The following RNF217 variants were observed in gnomAD, a reference collection of about 807,000 sequenced individuals.
RNF217 encodes E3 ubiquitin-protein ligase RNF217.
Under a neutral mutation model 57.8 loss-of-function variants are expected in RNF217, and 31 were observed. That is an observed-to-expected ratio of 0.54 (90% CI 0.40 to 0.72). The LOEUF (loss-of-function observed/expected upper bound fraction) is 0.72. RNF217 is among the 30% of genes least tolerant of loss of function. The probability of loss-of-function intolerance (pLI) is 0.00; values close to 1 mark genes in which losing one functional copy is unlikely to be tolerated. For missense variants in RNF217, 696 were observed against 708.3 expected (o/e 0.98, Z 0.20); for synonymous variants, 313 against 294.0 (o/e 1.06, Z -0.66).
At chr6:124,999,054 G>A (rs1217220878) in intron 1 of RNF217, among the ~76,000 whole-genome samples, 3 of 152,130 alleles carry the variant, frequency 2.0e-5, no homozygotes, top group Non-Finnish European at 4.4e-5. Context: ...ATTTATAGCA[G>A]TATTTGACAT....
chr6:125,085,728 G>A lies in RNF217; in HGVS notation c.*2791G>A, dbSNP rs1162275338. 1 of 151,644 alleles carries A rather than the reference G, an allele frequency of 6.6e-6. No individual in the cohort carries two copies. Among genetic ancestry groups the A allele is most frequent in the Non-Finnish European group, 1.5e-5 (1 of 67,800 alleles). The allele number at this position is 151,644 out of a possible 1,614,324, so 9.4% of individuals were successfully genotyped here. ...CTTACCCCACCTCTTATTTTCTAGG[G>A]GTAACCACTGTTAATGGTTTGGTAT... On this transcript the variant is annotated 3_prime_UTR_variant, in exon 6 of 6. Transcript: ENST00000521654.
intron 1 of RNF217, among the ~76,000 whole-genome samples, chr6:124,979,967 T>C (rs1177231450): frequency 1.3e-5 from 2 of 152,188 alleles, no homozygotes; most frequent in Non-Finnish European, 2.9e-5. Flanking sequence ...TGGAAGTGCA[T>C]TGTCTTTAGT....
intron 1 of RNF217, among the ~76,000 whole-genome samples, chr6:125,022,095 C>T (rs1785865047): frequency 1.3e-5 from 2 of 152,084 alleles, no homozygotes; most frequent in Non-Finnish European, 2.9e-5. Flanking sequence ...GTTGGCCAGG[C>T]TGCTCTCGAA....
intron 1 of RNF217, among the ~76,000 whole-genome samples, chr6:124,966,532 A>C (rs929934798): frequency 3.3e-5 from 5 of 152,202 alleles, no homozygotes; most frequent in African/African-American, 1.2e-4. Context: ...TGATGTATTG[A>C]GATAAAGAGT....
At chr6:124,973,506 A>C (rs1377209378) in intron 1 of RNF217, among the ~76,000 whole-genome samples, 1 of 152,248 alleles carries the variant, frequency 6.6e-6, no homozygotes, top group Non-Finnish European at 1.5e-5. Context: ...AAAGCCCAGA[A>C]GAGAATAGGT....
At chr6:125,079,808 A>C (rs533872635) in intron 4 of RNF217, among the ~76,000 whole-genome samples, 1 of 152,234 alleles carries the variant, frequency 6.6e-6, no homozygotes, top group African/African-American at 2.4e-5. Context: ...AATTAAGTAT[A>C]GGAATATTTA....
chr6:125,065,400 T>C (rs900791077), intron 3 of RNF217, among the ~76,000 whole-genome samples: 3 of 152,132 alleles, frequency 2.0e-5, no homozygotes, highest in African/African-American at 7.2e-5. Flanking sequence ...AATATGAATG[T>C]CCGATGCATT....
chr6:125,083,009 T>C lies in RNF217; in HGVS notation c.*72T>C. On this transcript the variant is annotated 3_prime_UTR_variant, in exon 6 of 6. Coordinates refer to ENST00000521654, the MANE Select transcript of RNF217 (RefSeq NM_001286398.3). ...ACCAAAGGGTACACCCATCTGTGAG[T>C]CACATCTTGAAAAACACTGAGAGGA... The C allele has an allele frequency of 1.9e-6, 2 of 1,037,430 alleles. No homozygotes were observed. Among genetic ancestry groups the C allele is most frequent in the Non-Finnish European group, 2.8e-6 (2 of 721,570 alleles). The allele number at this position is 1,037,430 out of a possible 1,614,324, so 64.3% of individuals were successfully genotyped here. A position where few individuals can be genotyped will look rare whatever the true frequency, so the allele number is the denominator to read the frequency against.
chr6:125,002,151 G>A (rs146738928), intron 1 of RNF217, among the ~76,000 whole-genome samples: 4 of 152,268 alleles, frequency 2.6e-5, no homozygotes, highest in Admixed American at 1.3e-4. Context: ...ACTTTGATGA[G>A]CCTAGCCAGG....
chr6:125,020,170 C>T (rs1347464482), intron 1 of RNF217, among the ~76,000 whole-genome samples: 1 of 152,202 alleles, frequency 6.6e-6, no homozygotes, highest in East Asian at 1.9e-4. Flanking sequence ...CACCCGCTGG[C>T]TTGGGCTCAG....
At chr6:124,990,877 C>T (rs1198232152) in intron 1 of RNF217, among the ~76,000 whole-genome samples, 2 of 152,064 alleles carry the variant, frequency 1.3e-5, no homozygotes, top group South Asian at 2.1e-4. Context: ...CCAGCCTGAG[C>T]AACAAAGCAA....
chr6:125,036,483 A>G (rs935286840), intron 1 of RNF217, among the ~76,000 whole-genome samples: 4 of 152,076 alleles, frequency 2.6e-5, no homozygotes, highest in African/African-American at 9.7e-5. Flanking sequence ...CTGGTTCCAG[A>G]TCCAAAAGGA....
intron 1 of RNF217, among the ~76,000 whole-genome samples, chr6:125,038,857 A>G (rs1370967966): frequency 1.3e-5 from 2 of 152,082 alleles, no homozygotes; most frequent in Non-Finnish European, 2.9e-5. Context: ...GTTCTGTGAT[A>G]CATATGCAGG....
chr6:125,052,284 T>TTGTA (rs374838947), intron 2 of RNF217, among the ~76,000 whole-genome samples: 1 of 143,230 alleles, frequency 7.0e-6, no homozygotes, highest in African/African-American at 2.6e-5. Flanking sequence ...GTCATGCGTT[T>TTGTA]TGTGTGTGTG....
rs550514147 is a variant in RNF217, at chr6:124,987,465, A to G, written c.882+24039A>G. Among the ~76,000 whole-genome samples, 5 of 152,282 alleles carry G rather than the reference A, an allele frequency of 3.3e-5. No individual in the cohort carries two copies. The East Asian group carries it at 9.7e-4, about 29-fold the overall frequency. Reference sequence around the variant, plus strand: ...GAATTGCTTTTCCTGGACATTTTATATAAACAGAATCATGCAATATGTGGT... The same window carrying G: ...GAATTGCTTTTCCTGGACATTTTATGTAAACAGAATCATGCAATATGTGGT... On this transcript the variant is annotated intron_variant, in intron 1 of 5. Coordinates refer to ENST00000521654, the MANE Select transcript of RNF217 (RefSeq NM_001286398.3).
At chr6:125,034,354 T>C (rs1786505683) in intron 1 of RNF217, among the ~76,000 whole-genome samples, 1 of 152,230 alleles carries the variant, frequency 6.6e-6, no homozygotes, top group Non-Finnish European at 1.5e-5. Flanking sequence ...CTTTCATTCA[T>C]CTTGAATTAA....
At chr6:124,970,496 A>G (rs1783723420) in intron 1 of RNF217, among the ~76,000 whole-genome samples, 1 of 152,182 alleles carries the variant, frequency 6.6e-6, no homozygotes, top group South Asian at 2.1e-4. Context: ...AAGATGAGGA[A>G]TAGTGTAGGA....
At position 125,086,564 on chromosome 6, in the gene RNF217, C is replaced by A. The variant is rs1391947360; in HGVS notation, c.*3627C>A. ...AATTATAAATGCCCACAGCAATTCC[C>A]AGAAAAATACATTAGATTATGTACG... On this transcript the variant is annotated 3_prime_UTR_variant, in exon 6 of 6. Coordinates refer to ENST00000521654, the MANE Select transcript of RNF217 (RefSeq NM_001286398.3). The A allele has an allele frequency of 6.6e-6, 1 of 151,946 alleles. No homozygotes were observed. 9.4% of individuals were successfully genotyped at this position (151,946 alleles called of 1,614,324 possible). A position where few individuals can be genotyped will look rare whatever the true frequency, so the allele number is the denominator to read the frequency against.
chr6:125,042,365 G>A (rs1039150238), intron 1 of RNF217, among the ~76,000 whole-genome samples: 1 of 152,006 alleles, frequency 6.6e-6, no homozygotes, highest in Non-Finnish European at 1.5e-5. Flanking sequence ...AATAGATTCA[G>A]CCCTCTACAG....
Sources: allele counts gnomAD v4.1 joint callset (sites outside exome capture counted in the v4.1 genomes callset), GRCh38; gene constraint gnomAD v4.1.1; transcripts MANE v1.5; gene names NCBI Gene and HGNC (gene_info 2026-07-23, HGNC 2026-07-21).